The following FAH variants were observed in gnomAD, a reference collection of about 807,000 sequenced individuals.
FAH encodes fumarylacetoacetase.
In FAH, 47 loss-of-function variants were observed where a neutral mutation model predicts 55.8. The observed-to-expected ratio is 0.84, with a 90% CI of 0.67 to 1.07. The LOEUF is 1.07. Ranked by LOEUF, FAH falls within the 50% of genes least tolerant of loss-of-function variation. The pLI, the probability that FAH is intolerant of heterozygous loss-of-function variation, is 0.00. For synonymous variants in FAH, 199 were observed against 207.7 expected (o/e 0.96, Z 0.36); for missense variants, 495 against 545.9 (o/e 0.91, Z 0.93).
intron 5 of FAH, among the ~76,000 whole-genome samples, chr15:80,167,566 C>G (rs958294169): frequency 3.7e-5 from 5 of 133,832 alleles, no homozygotes; most frequent in African/African-American, 1.4e-4. Context: ...GAGTCTTGCT[C>G]TGTTGCCTAG....
At position 80,186,346 on chromosome 15, in the gene FAH, C is replaced by A; in HGVS notation, c.*137C>A. 1 of 739,118 alleles carries A rather than the reference C, an allele frequency of 1.4e-6. No individual in the cohort carries two copies. Among genetic ancestry groups the A allele is most frequent in the South Asian group, 1.5e-5 (1 of 68,252 alleles). 45.8% of individuals were successfully genotyped at this position (739,118 alleles called of 1,614,324 possible). A position where few individuals can be genotyped will look rare whatever the true frequency, so the allele number is the denominator to read the frequency against. ...CATTGTGCTCTGAGGCCTGCACTGC[C>A]GCAGATGCAGCTGTGTCCACTTATG... On this transcript the variant is annotated 3_prime_UTR_variant, in exon 14 of 14. Coordinates refer to ENST00000561421, the MANE Select transcript of FAH (RefSeq NM_000137.4).
intron 10 of FAH, 134 bp downstream of exon 10, chr15:80,175,225 T>A: frequency 1.2e-6 from 1 of 820,964 alleles, no homozygotes. Context: ...GTGGCTCGTC[T>A]AAAGGAAAGA....
At chr15:80,186,695 G>A (rs2041374371), downstream of FAH, 1 of 237,618 alleles carries the variant, frequency 4.2e-6, no homozygotes, top group Admixed American at 5.2e-5. Flanking sequence ...CCAAGGAAGA[G>A]CTGCAGTTTG....
chr15:80,186,113 GTCC>G lies in FAH; in HGVS notation c.1181-11_1181-9del, dbSNP rs1567123557. 6.2e-7 allele frequency: 1 copy of G among 1,612,576 alleles called. No individual in the cohort carries two copies. Among genetic ancestry groups the G allele is most frequent in the Admixed American group, 1.7e-5 (1 of 60,036 alleles). On this transcript the variant is annotated splice_polypyrimidine_tract_variant and intron_variant, in intron 13 of 13. Coordinates refer to ENST00000561421, the MANE Select transcript of FAH (RefSeq NM_000137.4). The stretch of plus-strand genomic sequence containing the variant: ...CCCAGCAACTTTGTGACTGATCCTT[GTCC>G]TCCTCTGTTCCAGGGTACTGCCAGG...
intron 7 of FAH, 39 bp downstream of exon 7, chr15:80,168,355 G>GAC: frequency 1.2e-6 from 2 of 1,606,124 alleles, no homozygotes; most frequent in Middle Eastern, 3.3e-4. Flanking sequence ...GGGATCTATA[G>GAC]ACACCCGGCA....
intron 7 of FAH, 137 bp downstream of exon 7, chr15:80,168,453 C>A: frequency 1.2e-6 from 1 of 803,344 alleles, no homozygotes. Context: ...GTGTCCCCAC[C>A]TGGCCATCAG....
At position 80,165,250 on chromosome 15, in the gene FAH, C is replaced by T. The variant is rs1158407162; in HGVS notation, c.456-2802C>T. 4.6e-5 allele frequency among the ~76,000 whole-genome samples: 7 copies of T among 151,538 alleles called. No individual in the cohort carries two copies. In the South Asian group the frequency reaches 6.3e-4, roughly 14 times the overall value. ...TACTAAAAATACAAAAATTAGCAGC[C>T]AGGCGTGGTGGCTCACGCCTGTAAT... On this transcript the variant is annotated intron_variant, in intron 5 of 13. Coordinates refer to ENST00000561421, the MANE Select transcript of FAH (RefSeq NM_000137.4).
rs573550698 is a variant in FAH at position 80,174,224 on chromosome 15, C to T, written c.838-792C>T. 5.3e-5 allele frequency among the ~76,000 whole-genome samples: 8 copies of T among 152,304 alleles called. No individual in the cohort carries two copies. The South Asian group carries it at 1.7e-3, about 32-fold the overall frequency. On this transcript the variant is annotated intron_variant, in intron 9 of 13. Coordinates refer to ENST00000561421, the MANE Select transcript of FAH (RefSeq NM_000137.4). ...TCTCCCTAGGGCTGCAAGGCCACAG[C>T]CTCTCTTTGCTTGTCCTCCAGTCAT... is the stretch of plus-strand genomic sequence containing the variant.
At chr15:80,180,422 G>C (rs1045033402) in intron 12 of FAH, 197 bp downstream of exon 12, 9 of 592,390 alleles carry the variant, frequency 1.5e-5, no homozygotes, top group Admixed American at 2.6e-5. Context: ...AAAGAGACTG[G>C]TGTGAGAACG....
intron 4 of FAH, 23 bp downstream of exon 4, chr15:80,160,482 G>A (rs753086991): frequency 1.9e-6 from 3 of 1,613,066 alleles, no homozygotes; most frequent in Non-Finnish European, 2.5e-6. Flanking sequence ...TCTTCACCAA[G>A]ATAAGAACGG....
chr15:80,152,960 AG>A (rs2041063428), upstream of FAH: 6 of 1,007,754 alleles, frequency 6.0e-6, no homozygotes, highest in Admixed American at 2.0e-5. Context: ...GGGGGCGGGC[AG>A]GGGGGCGGGG....
chr15:80,186,160 G>GC lies in FAH; in HGVS notation c.1212dup (p.Phe405LeufsTer35). On this transcript the variant is annotated frameshift_variant, in exon 14 of 14. Transcript: ENST00000561421. LOFTEE classifies it high-confidence loss of function. ...TGCCAGGGGGATGGTTACCGCATCG[G>GC]CTTTGGCCAGTGTGCTGGAAAAGTG... 6.2e-7 allele frequency: 1 copy of GC among 1,614,158 alleles called. No homozygotes were observed.
intron 13 of FAH, among the ~76,000 whole-genome samples, chr15:80,183,800 A>T (rs1221421290): frequency 6.6e-6 from 1 of 152,172 alleles, no homozygotes; most frequent in East Asian, 1.9e-4. Flanking sequence ...AGCTACTCTT[A>T]CTGTCTCTAT....
chr15:80,172,283 G>A lies in FAH; in HGVS notation c.706+35G>A, dbSNP rs188308441. The A allele has an allele frequency of 1.7e-5, 25 of 1,511,758 alleles. 1 individual carries two copies. Among genetic ancestry groups the A allele is most frequent in the East Asian group, 2.3e-5 (1 of 44,418 alleles). The allele number at this position is 1,511,758 out of a possible 1,614,324, so 93.6% of individuals were successfully genotyped here. On this transcript the variant is annotated intron_variant, in intron 8 of 13. Coordinates refer to ENST00000561421, the MANE Select transcript of FAH (RefSeq NM_000137.4). ...GGAGCTCTGCTCCTGTAGAGATGAC[G>A]GGGAGGAGGCTGGGGACTTGGGGCA... is the stretch of plus-strand genomic sequence containing the variant.
At chr15:80,184,954 G>A (rs2041358344) in intron 13 of FAH, among the ~76,000 whole-genome samples, 1 of 152,002 alleles carries the variant, frequency 6.6e-6, no homozygotes, top group Non-Finnish European at 1.5e-5. Flanking sequence ...GCATTTCTCT[G>A]TATCTCTCGT....
rs970554109 is a variant in FAH, at chr15:80,172,263, T to C, written c.706+15T>C. 1 of 1,542,016 alleles carries C rather than the reference T, an allele frequency of 6.5e-7. No individual in the cohort carries two copies. Among genetic ancestry groups the C allele is most frequent in the Non-Finnish European group, 9.0e-7 (1 of 1,114,144 alleles). ...CGACTGGAGTGGTAATTACTGGAGC[T>C]CTGCTCCTGTAGAGATGACGGGGAG... On this transcript the variant is annotated intron_variant, in intron 8 of 13. Transcript: ENST00000561421.
At chr15:80,176,816 G>A (rs1217710555) in intron 10 of FAH, among the ~76,000 whole-genome samples, 1 of 152,256 alleles carries the variant, frequency 6.6e-6, no homozygotes, top group Non-Finnish European at 1.5e-5. Flanking sequence ...GTCCAGAGAT[G>A]TAGTCCTGCA....
At chr15:80,159,627 G>A in intron 2 of FAH, 129 bp from the exon 3 acceptor site, 1 of 1,049,528 alleles carries the variant, frequency 9.5e-7, no homozygotes, top group South Asian at 1.3e-5. Flanking sequence ...AAGAGCAGAG[G>A]TCCTGAGAGT....
intron 7 of FAH, 65 bp downstream of exon 7, chr15:80,168,381 A>T (rs1567117588): frequency 1.3e-6 from 2 of 1,557,064 alleles, no homozygotes; most frequent in African/African-American, 2.7e-5. Context: ...GCCCTTTGGG[A>T]TGGCTCCCCG....
Sources: allele counts gnomAD v4.1 joint callset (sites outside exome capture counted in the v4.1 genomes callset), GRCh38; gene constraint gnomAD v4.1.1; transcripts MANE v1.5; gene names NCBI Gene and HGNC (gene_info 2026-07-23, HGNC 2026-07-21).